The following CNTNAP2 variants were observed in gnomAD, a reference collection of about 807,000 sequenced individuals.
CNTNAP2 encodes the protein contactin-associated protein-like 2.
A neutral mutation model predicts 155.2 loss-of-function variants in CNTNAP2; 98 were observed. The observed-to-expected ratio is 0.63, with a 90% CI of 0.54 to 0.75. The LOEUF is 0.75. Ranked by LOEUF, CNTNAP2 falls within the 30% of genes least tolerant of loss-of-function variation. The pLI, the probability that CNTNAP2 is intolerant of heterozygous loss-of-function variation, is 0.00. For missense variants in CNTNAP2, 1,727 were observed against 1,688.1 expected (o/e 1.02, Z -0.40); for synonymous variants, 651 against 631.2 (o/e 1.03, Z -0.47).
At chr7:147,943,359 C>A (rs1800759297) in intron 14 of CNTNAP2, among the ~76,000 whole-genome samples, 2 of 152,098 alleles carry the variant, frequency 1.3e-5, no homozygotes, top group South Asian at 4.1e-4. Context: ...TATTCTATAC[C>A]TTGAATTTAA....
chr7:147,957,830 T>A (rs2116838692), intron 14 of CNTNAP2, among the ~76,000 whole-genome samples: 1 of 152,250 alleles, frequency 6.6e-6, no homozygotes, highest in African/African-American at 2.4e-5. Context: ...ATCTCAGCAC[T>A]TTGGGAAGCC....
intron 11 of CNTNAP2, among the ~76,000 whole-genome samples, chr7:147,492,582 G>A (rs1168309379): frequency 3.3e-5 from 5 of 152,032 alleles, no homozygotes; most frequent in Non-Finnish European, 7.4e-5. Context: ...AAACACTCAG[G>A]GTTTGAAATT....
intron 20 of CNTNAP2, among the ~76,000 whole-genome samples, chr7:148,234,679 A>T (rs879484574): frequency 6.6e-6 from 1 of 152,236 alleles, no homozygotes; most frequent in Non-Finnish European, 1.5e-5. Context: ...GTAGAGCAGG[A>T]TGATGGACAG....
chr7:146,630,953 G>A (rs1397229966), intron 1 of CNTNAP2, among the ~76,000 whole-genome samples: 1 of 152,116 alleles, frequency 6.6e-6, no homozygotes, highest in Non-Finnish European at 1.5e-5. Context: ...TAGATAGGAA[G>A]AATCAATATT....
At chr7:146,745,157 T>A (rs1585070353) in intron 1 of CNTNAP2, among the ~76,000 whole-genome samples, 1 of 152,188 alleles carries the variant, frequency 6.6e-6, no homozygotes, top group African/African-American at 2.4e-5. Flanking sequence ...CCACCACCAA[T>A]CCATTACTAA....
At chr7:146,546,841 C>T (rs1798036503) in intron 1 of CNTNAP2, among the ~76,000 whole-genome samples, 1 of 151,888 alleles carries the variant, frequency 6.6e-6, no homozygotes, top group Admixed American at 6.6e-5. Flanking sequence ...AACAGCGGCA[C>T]TGGGGTAACT....
intron 8 of CNTNAP2, among the ~76,000 whole-genome samples, chr7:147,233,075 A>C (rs1048876650): frequency 4.6e-5 from 7 of 152,232 alleles, no homozygotes; most frequent in Non-Finnish European, 7.3e-5. Context: ...GAAGGTTTAT[A>C]TATTCCTTCA....
intron 1 of CNTNAP2, among the ~76,000 whole-genome samples, chr7:146,572,121 A>G (rs1159229056): frequency 1.3e-5 from 2 of 152,232 alleles, no homozygotes; most frequent in Admixed American, 1.3e-4. Context: ...GCAGTCTTGA[A>G]TATTAAAACT....
chr7:147,072,310 C>A (rs963983271), intron 4 of CNTNAP2, among the ~76,000 whole-genome samples: 4 of 151,962 alleles, frequency 2.6e-5, no homozygotes, highest in African/African-American at 7.3e-5. Context: ...GCTTTTTAGG[C>A]AATGTTCCTG....
intron 1 of CNTNAP2, among the ~76,000 whole-genome samples, chr7:146,128,237 A>G (rs557533002): frequency 6.6e-6 from 1 of 152,310 alleles, no homozygotes; most frequent in South Asian, 2.1e-4. Context: ...TTTAGTAAAC[A>G]TGTTTCATCA....
intron 14 of CNTNAP2, among the ~76,000 whole-genome samples, chr7:147,956,475 T>A (rs1468438687): frequency 1.3e-5 from 2 of 152,202 alleles, no homozygotes; most frequent in Non-Finnish European, 2.9e-5. Context: ...GAGGCTCTAA[T>A]GAAATCTTGC....
Position 148,158,222 on chromosome 7 carries a change from C to CTTTTTTTTTTTTTTT in CNTNAP2, c.2773+10518_2773+10532dup, listed in dbSNP as rs1224617335. 1.9e-3 allele frequency among the ~76,000 whole-genome samples: 181 copies of CTTTTTTTTTTTTTTT among 94,756 alleles called. 36 individuals are homozygous for CTTTTTTTTTTTTTTT. The highest frequency in any genetic ancestry group is 5.7e-3 in the African/African-American group (115 of 20,118). The allele number at this position is 94,756 out of a possible 152,430, so 62.2% of individuals were successfully genotyped here. A position where few individuals can be genotyped will look rare whatever the true frequency, so the allele number is the denominator to read the frequency against. ...AGTGATGATAGGTACAATGTTTGCG[C>CTTTTTTTTTTTTTTT]TTTTTTTTTTTTTTTTTTTGAGACA... On this transcript the variant is annotated intron_variant, in intron 17 of 23. Coordinates refer to ENST00000361727, the MANE Select transcript of CNTNAP2 (RefSeq NM_014141.6).
intron 1 of CNTNAP2, among the ~76,000 whole-genome samples, chr7:146,455,411 A>C (rs921013237): frequency 6.6e-6 from 1 of 152,124 alleles, no homozygotes; most frequent in East Asian, 1.9e-4. Context: ...AAGTACCCGT[A>C]TGCTTTTCCT....
intron 12 of CNTNAP2, among the ~76,000 whole-genome samples, chr7:147,604,581 A>C (rs557497877): frequency 4.8e-4 from 73 of 152,074 alleles, no homozygotes; most frequent in African/African-American, 1.7e-3. Context: ...TGCCCCACCC[A>C]CTTTGCTTCT....
intron 1 of CNTNAP2, among the ~76,000 whole-genome samples, chr7:146,416,502 C>G (rs1441511910): frequency 1.3e-5 from 2 of 152,088 alleles, no homozygotes; most frequent in Non-Finnish European, 2.9e-5. Flanking sequence ...AGCAATCCTT[C>G]TCTCAGCCTC....
intron 15 of CNTNAP2, among the ~76,000 whole-genome samples, chr7:148,073,486 T>C (rs1437258807): frequency 6.6e-6 from 1 of 152,252 alleles, no homozygotes; most frequent in Non-Finnish European, 1.5e-5. Context: ...TTGTCCAGCA[T>C]ATCCACGCGG....
chr7:148,038,874 A>G (rs376331889), intron 15 of CNTNAP2, among the ~76,000 whole-genome samples: 6 of 149,210 alleles, frequency 4.0e-5, no homozygotes, highest in African/African-American at 1.5e-4. Context: ...ATGGATGGAT[A>G]GATAGATAAG....
At position 147,271,773 on chromosome 7, in the gene CNTNAP2, C is replaced by T. The variant is rs192546534; in HGVS notation, c.1349-28368C>T. On this transcript the variant is annotated intron_variant, in intron 8 of 23. Coordinates refer to ENST00000361727, the MANE Select transcript of CNTNAP2 (RefSeq NM_014141.6). ...CCCCCATGATTCAGCGATCTCCTAC[C>T]GGGTGCCTCCTATAACACTTGGAAT... Among the ~76,000 whole-genome samples the T allele has an allele frequency of 3.2e-3, 488 of 152,268 alleles. 2 individuals carry two copies. The highest frequency in any genetic ancestry group is 0.01 in the African/African-American group (431 of 41,558).
chr7:147,929,006 C>T (rs933034876), intron 14 of CNTNAP2, among the ~76,000 whole-genome samples: 15 of 142,166 alleles, frequency 1.1e-4, no homozygotes, highest in Admixed American at 8.1e-4. Context: ...GCAGGAGAAT[C>T]GCTTGAACCC....
Sources: allele counts gnomAD v4.1 joint callset (sites outside exome capture counted in the v4.1 genomes callset), GRCh38; gene constraint gnomAD v4.1.1; transcripts MANE v1.5; gene names NCBI Gene and HGNC (gene_info 2026-07-23, HGNC 2026-07-21).